NCOA3: variants seen among roughly 807,000 people sequenced by gnomAD.
NCOA3 encodes nuclear receptor coactivator 3.
In NCOA3, 51 loss-of-function variants were observed where a neutral mutation model predicts 158.8. That is an observed-to-expected ratio of 0.32 (90% CI 0.26 to 0.41). The LOEUF (loss-of-function observed/expected upper bound fraction) is 0.41. NCOA3 is among the 10% of genes least tolerant of loss of function. NCOA3 has a pLI of 1.00. For synonymous variants in NCOA3, 537 were observed against 592.4 expected (o/e 0.91, Z 1.36); for missense variants, 1,510 against 1,746.6 (o/e 0.86, Z 2.41).
chr20:47,587,314 A>G (rs1157847196), intron 2 of NCOA3, among the ~76,000 whole-genome samples: 1 of 152,222 alleles, frequency 6.6e-6, no homozygotes, highest in Admixed American at 6.5e-5. Context: ...CTTGTGGGGA[A>G]TAAAAGTTTT....
At chr20:47,631,474 A>G (rs1387208111) in intron 8 of NCOA3, 2 of 152,230 alleles carry the variant, frequency 1.3e-5, no homozygotes, top group South Asian at 2.1e-4. Context: ...AGGCCTAGAC[A>G]GTTTTTAAGG....
chr20:47,589,788 C>A (rs1305409429), intron 2 of NCOA3, among the ~76,000 whole-genome samples: 11 of 152,082 alleles, frequency 7.2e-5, no homozygotes, highest in Non-Finnish European at 1.5e-4. Context: ...TGGATGAAGT[C>A]ATCTCTTGTT....
chr20:47,621,654 A>ATTTTTTTTTTTTTT (rs749582388), intron 2 of NCOA3, among the ~76,000 whole-genome samples: 1,443 of 119,534 alleles, frequency 0.012, 137 homozygotes, highest in African/African-American at 0.042. Context: ...CATCAGTCAA[A>ATTTTTTTTTTTTTT]TTTTTTTTTT....
chr20:47,621,431 T>G (rs1663737312), intron 2 of NCOA3, among the ~76,000 whole-genome samples: 1 of 152,150 alleles, frequency 6.6e-6, no homozygotes, highest in African/African-American at 2.4e-5. Context: ...TGCATTTTAA[T>G]ATATAAAAAT....
chr20:47,610,850 A>G (rs912376078), intron 2 of NCOA3, among the ~76,000 whole-genome samples: 7 of 152,198 alleles, frequency 4.6e-5, no homozygotes, highest in African/African-American at 1.7e-4. Context: ...GTTGCAGGTG[A>G]ACAAACTCAT....
rs113497601 is a variant in NCOA3 at position 47,504,392 on chromosome 20, G to T, written c.-99+2373G>T. Among the ~76,000 whole-genome samples the T allele has an allele frequency of 5.3e-5, 8 of 151,112 alleles. 2 individuals are homozygous for T. Among genetic ancestry groups the T allele is most frequent in the African/African-American group, 1.9e-4 (8 of 41,178 alleles). ...TGCAAATAAAAAGTAGTTTAAAAAT[G>T]GTTGCTTACTAATGTCTTCTTGACT... On this transcript the variant is annotated intron_variant, in intron 1 of 22. Transcript: ENST00000371998.
At chr20:47,577,065 TAATCTA>T (rs1480375954) in intron 1 of NCOA3, among the ~76,000 whole-genome samples, 1 of 152,242 alleles carries the variant, frequency 6.6e-6, no homozygotes, top group East Asian at 1.9e-4. Context: ...GTTTTCTCCT[TAATCTA>T]AAGCTAATTT....
chr20:47,505,312 G>A (rs979048007), intron 1 of NCOA3, among the ~76,000 whole-genome samples: 10 of 151,736 alleles, frequency 6.6e-5, no homozygotes, highest in African/African-American at 2.2e-4. Context: ...CACCTGCCTT[G>A]GCCTCCCAAA....
At chr20:47,563,388 G>T (rs182746215) in intron 1 of NCOA3, among the ~76,000 whole-genome samples, 2 of 152,276 alleles carry the variant, frequency 1.3e-5, no homozygotes, top group East Asian at 1.9e-4. Flanking sequence ...GTTTATGATG[G>T]GGGGAGGAGA....
chr20:47,596,766 A>G (rs752898271), intron 2 of NCOA3, among the ~76,000 whole-genome samples: 2 of 151,958 alleles, frequency 1.3e-5, no homozygotes, highest in Non-Finnish European at 2.9e-5. Flanking sequence ...ATATTTTTAC[A>G]TTTTTGGTAG....
chr20:47,521,515 C>A (rs986719023), intron 1 of NCOA3, among the ~76,000 whole-genome samples: 5 of 152,064 alleles, frequency 3.3e-5, no homozygotes, highest in Non-Finnish European at 7.3e-5. Flanking sequence ...TTAGACTGCA[C>A]AGGCTAAGCT....
intron 1 of NCOA3, among the ~76,000 whole-genome samples, chr20:47,580,947 A>G (rs1472725777): frequency 6.6e-6 from 1 of 152,078 alleles, no homozygotes; most frequent in Non-Finnish European, 1.5e-5. Flanking sequence ...CAAAAAATAT[A>G]AAAATTAGCT....
At chr20:47,639,446 C>A in intron 14 of NCOA3, 131 bp from the exon 15 acceptor site, 2 of 1,283,946 alleles carry the variant, frequency 1.6e-6, no homozygotes, top group Non-Finnish European at 2.2e-6. Context: ...CACAGTTGGC[C>A]AGCCCTTTTC....
chr20:47,622,390 A>G lies in NCOA3; in HGVS notation c.83+60A>G, dbSNP rs546976793. 14 of 1,151,196 alleles carry G rather than the reference A, an allele frequency of 1.2e-5. 1 individual carries two copies. In the Middle Eastern group the frequency reaches 6.0e-4, roughly 50 times the overall value. The allele number at this position is 1,151,196 out of a possible 1,614,324, so 71.3% of individuals were successfully genotyped here. On this transcript the variant is annotated intron_variant, in intron 3 of 22. Coordinates refer to ENST00000371998, the MANE Select transcript of NCOA3 (RefSeq NM_181659.3). ...TGTTGTGCCTTTGTTTAAGGATAAC[A>G]TTTTAACTTCTTGCCATTTACATTC... is the stretch of plus-strand genomic sequence containing the variant.
intron 4 of NCOA3, among the ~76,000 whole-genome samples, chr20:47,624,858 C>T (rs144581323): frequency 6.6e-6 from 1 of 152,272 alleles, no homozygotes; most frequent in Non-Finnish European, 1.5e-5. Flanking sequence ...CCACAACCTC[C>T]ACCTCTTGGG....
rs142174501 is a variant in NCOA3 at position 47,520,345 on chromosome 20, C to G, written c.-99+18326C>G. ...TTTGTCTCTCTGCCTCTCTCTCTTTCCTCTGCTGGTCTTTCCCTGCCTCTG... is the reference window on the plus strand; with the variant it reads ...TTTGTCTCTCTGCCTCTCTCTCTTTGCTCTGCTGGTCTTTCCCTGCCTCTG... On this transcript the variant is annotated intron_variant, in intron 1 of 22. Coordinates refer to ENST00000371998, the MANE Select transcript of NCOA3 (RefSeq NM_181659.3). Among the ~76,000 whole-genome samples the G allele has an allele frequency of 2.3e-3, 347 of 152,270 alleles. 2 individuals carry two copies. Among genetic ancestry groups the G allele is most frequent in the African/African-American group, 7.3e-3 (305 of 41,570 alleles).
At chr20:47,513,825 G>A (rs1295685950) in intron 1 of NCOA3, among the ~76,000 whole-genome samples, 1 of 151,830 alleles carries the variant, frequency 6.6e-6, no homozygotes, top group Non-Finnish European at 1.5e-5. Flanking sequence ...GCAAAGCAGG[G>A]CTCTTGAGTG....
intron 1 of NCOA3, among the ~76,000 whole-genome samples, chr20:47,561,977 C>CTT (rs145723096): frequency 3.4e-5 from 5 of 148,710 alleles, no homozygotes; most frequent in Non-Finnish European, 6.0e-5. Flanking sequence ...CATAGTTTTG[C>CTT]TTTTTTTTTT....
chr20:47,547,899 T>C (rs1368582347), intron 1 of NCOA3, among the ~76,000 whole-genome samples: 1 of 151,550 alleles, frequency 6.6e-6, no homozygotes, highest in Non-Finnish European at 1.5e-5. Context: ...TATTTTATTT[T>C]ATTTTTATTT....
Sources: allele counts gnomAD v4.1 joint callset (sites outside exome capture counted in the v4.1 genomes callset), GRCh38; gene constraint gnomAD v4.1.1; transcripts MANE v1.5; gene names NCBI Gene and HGNC (gene_info 2026-07-23, HGNC 2026-07-21).